INPP4B: variants seen among roughly 807,000 people sequenced by gnomAD.
The protein encoded by INPP4B is inositol polyphosphate-4-phosphatase type II B, also known as inositol polyphosphate 4-phosphatase type II.
INPP4B carries 55 observed loss-of-function variants against 122.5 expected under a neutral mutation model. The observed-to-expected ratio is 0.45, with a 90% CI of 0.36 to 0.56. The LOEUF is 0.56. INPP4B is among the 20% of genes least tolerant of loss of function. The probability of loss-of-function intolerance (pLI) is 0.00; values close to 1 mark genes in which losing one functional copy is unlikely to be tolerated. For missense variants in INPP4B, 1,000 were observed against 1,097.7 expected (o/e 0.91, Z 1.26); for synonymous variants, 403 against 388.7 (o/e 1.04, Z -0.43).
At chr4:142,701,669 A>G in intron 2 of INPP4B, among the ~76,000 whole-genome samples, 1 of 152,090 alleles carries the variant, frequency 6.6e-6, no homozygotes. Flanking sequence ...TACCTTCCTG[A>G]ACCATTGCTT....
At chr4:142,651,639 T>C (rs1388135805) in intron 2 of INPP4B, among the ~76,000 whole-genome samples, 3 of 152,202 alleles carry the variant, frequency 2.0e-5, no homozygotes, top group Admixed American at 6.5e-5. Flanking sequence ...GATAAGTTCC[T>C]GGACACATAC....
chr4:142,402,349 A>T (rs1801910997), intron 7 of INPP4B, among the ~76,000 whole-genome samples: 1 of 152,234 alleles, frequency 6.6e-6, no homozygotes, highest in Non-Finnish European at 1.5e-5. Context: ...ACCAGGAAGG[A>T]TGATGCAATT....
At chr4:142,153,313 A>T (rs879637903) in intron 17 of INPP4B, among the ~76,000 whole-genome samples, 2 of 152,188 alleles carry the variant, frequency 1.3e-5, no homozygotes, top group Non-Finnish European at 2.9e-5. Context: ...TCAAGCCAAC[A>T]GTCTACCTAT....
At position 142,023,426 on chromosome 4, in the gene INPP4B, A is replaced by G. The variant is rs964379471; in HGVS notation, c.*5356T>C. ...GTTAGATTAAATAAAATTATAAAATATCCACACGAGAAGTATGTGTATACA... is the reference window on the plus strand; with the variant it reads ...GTTAGATTAAATAAAATTATAAAATGTCCACACGAGAAGTATGTGTATACA... On this transcript the variant is annotated 3_prime_UTR_variant, in exon 26 of 26. Transcript: ENST00000262992. 9.2e-5 allele frequency: 14 copies of G among 152,242 alleles called. No individual in the cohort carries two copies. Among genetic ancestry groups the G allele is most frequent in the African/African-American group, 3.4e-4 (14 of 41,464 alleles). The allele number at this position is 152,242 out of a possible 1,614,324, so 9.4% of individuals were successfully genotyped here. A position where few individuals can be genotyped will look rare whatever the true frequency, so the allele number is the denominator to read the frequency against.
intron 14 of INPP4B, among the ~76,000 whole-genome samples, chr4:142,199,002 CT>C (rs1305903316): frequency 2.6e-5 from 4 of 151,976 alleles, no homozygotes; most frequent in Admixed American, 2.6e-4. Context: ...GAAATACTTA[CT>C]TCTTCCTCTT....
intron 2 of INPP4B, among the ~76,000 whole-genome samples, chr4:142,646,366 A>G (rs1431216035): frequency 1.3e-5 from 2 of 152,066 alleles, no homozygotes; most frequent in Non-Finnish European, 2.9e-5. Flanking sequence ...TTTAAAAAAG[A>G]AGAAGAAAAA....
intron 1 of INPP4B, among the ~76,000 whole-genome samples, chr4:142,842,737 A>C (rs1382710192): frequency 7.6e-5 from 10 of 131,740 alleles, no homozygotes; most frequent in Non-Finnish European, 1.4e-4. Context: ...TATAATATTA[A>C]TATAATATAT....
intron 1 of INPP4B, among the ~76,000 whole-genome samples, chr4:142,840,270 G>GA (rs945208866): frequency 5.9e-5 from 9 of 151,712 alleles, no homozygotes; most frequent in East Asian, 1.9e-4. Flanking sequence ...CAATGCAACA[G>GA]AAAAAAAATA....
At chr4:142,719,626 T>C (rs759840905) in intron 2 of INPP4B, among the ~76,000 whole-genome samples, 9 of 152,134 alleles carry the variant, frequency 5.9e-5, no homozygotes, top group Non-Finnish European at 8.8e-5. Flanking sequence ...ACCCAGCCTA[T>C]AATTTTCTTA....
At chr4:142,530,607 A>G (rs564324979) in intron 2 of INPP4B, among the ~76,000 whole-genome samples, 16 of 151,670 alleles carry the variant, frequency 1.1e-4, no homozygotes, top group Non-Finnish European at 2.2e-4. Context: ...ACATACATAC[A>G]CATAAGGAAG....
chr4:142,521,432 C>A (rs1031671329), intron 2 of INPP4B, among the ~76,000 whole-genome samples: 1 of 151,948 alleles, frequency 6.6e-6, no homozygotes, highest in African/African-American at 2.4e-5. Context: ...CCATGAAAAA[C>A]CTTTGTTAAA....
intron 9 of INPP4B, among the ~76,000 whole-genome samples, chr4:142,294,701 G>A (rs545852906): frequency 1.3e-5 from 2 of 151,792 alleles, no homozygotes; most frequent in East Asian, 3.9e-4. Flanking sequence ...GTACCCACAA[G>A]CCACCATAAA....
At chr4:142,123,475 A>G in intron 19 of INPP4B, 60 bp from the exon 20 acceptor site, 1 of 1,549,326 alleles carries the variant, frequency 6.5e-7, no homozygotes, top group Non-Finnish European at 8.8e-7. Context: ...TTTTATTTTG[A>G]AATATTTTAA....
At chr4:142,772,290 A>C (rs2151002745) in intron 1 of INPP4B, among the ~76,000 whole-genome samples, 1 of 152,258 alleles carries the variant, frequency 6.6e-6, no homozygotes, top group South Asian at 2.1e-4. Context: ...CCTGTCCTTA[A>C]GGAGCTTACA....
At chr4:142,601,838 G>A (rs1268313881) in intron 2 of INPP4B, among the ~76,000 whole-genome samples, 4 of 151,254 alleles carry the variant, frequency 2.6e-5, no homozygotes, top group Non-Finnish European at 5.9e-5. Context: ...GTGTGGTGGC[G>A]GGGGCCTATA....
At chr4:142,471,495 G>C (rs1446481325) in intron 2 of INPP4B, among the ~76,000 whole-genome samples, 3 of 152,166 alleles carry the variant, frequency 2.0e-5, no homozygotes, top group Non-Finnish European at 2.9e-5. Context: ...CCACTTCTTA[G>C]TCTTCCTTAT....
At chr4:142,277,497 A>T (rs988922957) in intron 9 of INPP4B, among the ~76,000 whole-genome samples, 7 of 152,010 alleles carry the variant, frequency 4.6e-5, no homozygotes, top group African/African-American at 7.2e-5. Context: ...CTAAAAGTAG[A>T]TCTACCATTT....
At chr4:142,171,203 C>G (rs1401510399) in intron 16 of INPP4B, among the ~76,000 whole-genome samples, 2 of 151,782 alleles carry the variant, frequency 1.3e-5, no homozygotes, top group Non-Finnish European at 2.9e-5. Context: ...CAGTCTTCCC[C>G]AGGGGCCCCA....
In INPP4B at chr4:142,570,342, T is replaced by C. The variant is rs1014029896; in HGVS notation, c.-190-107616A>G. Among the ~76,000 whole-genome samples the C allele has an allele frequency of 2.0e-5, 3 of 152,204 alleles. No homozygotes were observed. The East Asian group carries it at 5.8e-4, about 29-fold the overall frequency. ...TTATTACACTTGTTCCTATAGCCAC[T>C]GAAAATTTTCAGCACAATAAAAAAA... On this transcript the variant is annotated intron_variant, in intron 2 of 25. Coordinates refer to ENST00000262992, the MANE Select transcript of INPP4B (RefSeq NM_001101669.3).
Sources: allele counts gnomAD v4.1 joint callset (sites outside exome capture counted in the v4.1 genomes callset), GRCh38; gene constraint gnomAD v4.1.1; transcripts MANE v1.5; gene names NCBI Gene and HGNC (gene_info 2026-07-23, HGNC 2026-07-21).